Variants in NSMAF observed in about 807,000 individuals in gnomAD.
NSMAF encodes the protein protein FAN.
Under a neutral mutation model 134.9 loss-of-function variants are expected in NSMAF, and 90 were observed. The ratio of observed to expected loss-of-function variants is 0.67; its 90% CI spans 0.56 to 0.79. NSMAF has a LOEUF of 0.79. NSMAF is among the 30% of genes least tolerant of loss of function. NSMAF has a pLI of 0.00. For synonymous variants in NSMAF, 358 were observed against 389.6 expected (o/e 0.92, Z 0.96); for missense variants, 1,010 against 1,119.0 (o/e 0.90, Z 1.39).
chr8:58,623,144 T>C (rs1485754813), intron 9 of NSMAF, 76 bp downstream of exon 9: 12 of 1,131,950 alleles, frequency 1.1e-5, no homozygotes, highest in Non-Finnish European at 1.6e-5. Flanking sequence ...GACAGCAGGC[T>C]TGGATTTGCT....
chr8:58,586,543 C>T lies in NSMAF; in HGVS notation c.2361G>A (p.Val787=). 1 of 1,613,902 alleles carries T rather than the reference C, an allele frequency of 6.2e-7. No individual in the cohort carries two copies. The highest frequency in any genetic ancestry group is 8.5e-7 in the Non-Finnish European group (1 of 1,179,880). ...TGGCCGTTGTGAGGTCCCAAATATT[C>T]ACTGTGCCTTCTTTGGTGCCGGAAA... ...LLVSGTKEGT[V]NIWDLTTATL... Residue 787 remains valine (V), a synonymous_variant, in exon 28 of 31, where the codon GTG becomes GTA. Coordinates refer to ENST00000038176, the MANE Select transcript of NSMAF (RefSeq NM_003580.4).
chr8:58,601,391 T>C lies in NSMAF; in HGVS notation c.1217-43A>G, dbSNP rs376389137. The C allele has an allele frequency of 1.4e-4, 218 of 1,610,668 alleles. No homozygotes were observed. In the African/African-American group the frequency reaches 2.4e-3, roughly 18 times the overall value. ...AGAGGTAAGTCAGGTCACAGAATCA[T>C]TGAAGAATACAGTGAAATAAAATTT... On this transcript the variant is annotated intron_variant, in intron 15 of 30. Transcript: ENST00000038176.
rs139257218 is a variant in NSMAF, at chr8:58,649,745, G to A, written c.60-6672C>T. On this transcript the variant is annotated intron_variant, in intron 1 of 30. Coordinates refer to ENST00000038176, the MANE Select transcript of NSMAF (RefSeq NM_003580.4). ...CTTGCTCCCTCTCTTGCCATGTGATGTACCTGCTCCCACTTCACCTTCCAC... is the reference window on the plus strand; with the variant it reads ...CTTGCTCCCTCTCTTGCCATGTGATATACCTGCTCCCACTTCACCTTCCAC... 8.9e-4 allele frequency among the ~76,000 whole-genome samples: 135 copies of A among 152,268 alleles called. 1 individual carries two copies. The highest frequency in any genetic ancestry group is 3.2e-3 in the African/African-American group (131 of 41,540).
intron 15 of NSMAF, 30 bp from the exon 16 acceptor site, chr8:58,601,378 G>T: frequency 6.2e-7 from 1 of 1,611,038 alleles, no homozygotes; most frequent in Non-Finnish European, 8.5e-7. Flanking sequence ...AGGTAAGTCA[G>T]GTCACAGAAT....
chr8:58,592,598 ACT>A (rs1806042591), intron 23 of NSMAF, among the ~76,000 whole-genome samples: 1 of 152,072 alleles, frequency 6.6e-6, no homozygotes, highest in African/African-American at 2.4e-5. Context: ...TTATTTTTAA[ACT>A]CTCTCGGCCG....
intron 1 of NSMAF, among the ~76,000 whole-genome samples, chr8:58,649,415 T>C (rs1807531950): frequency 1.3e-5 from 2 of 152,166 alleles, no homozygotes; most frequent in Non-Finnish European, 2.9e-5. Flanking sequence ...TTGAAATAAG[T>C]TAACACTTTG....
In NSMAF at chr8:58,590,933, A is replaced by G; in HGVS notation, c.1953T>C (p.Asp651=). 6.4e-7 allele frequency: 1 copy of G among 1,569,472 alleles called. No individual in the cohort carries two copies. Among genetic ancestry groups the G allele is most frequent in the Non-Finnish European group, 8.7e-7 (1 of 1,147,638 alleles). The change falls in exon 24 of 31, where the codon GAT becomes GAC. Residue 651 remains aspartate, a splice_region_variant and synonymous_variant. Transcript: ENST00000038176. ...CTTTAGAAAACATCTTCAAGGTGGA[A>G]TCTAATTTAATAATGAGAAGTAGAT... The part of the protein sequence containing the change: ...NGSSVFTTSQ[D]STLKMFSKES...
intron 1 of NSMAF, among the ~76,000 whole-genome samples, chr8:58,654,263 T>C (rs1217755114): frequency 2.0e-5 from 3 of 152,166 alleles, no homozygotes. Flanking sequence ...TTTTATAAAA[T>C]AAATATAGAC....
intron 19 of NSMAF, 128 bp from the exon 20 acceptor site, chr8:58,598,030 AGACT>A (rs2129140523): frequency 1.5e-6 from 1 of 679,254 alleles, no homozygotes; most frequent in Non-Finnish European, 2.6e-6. Flanking sequence ...TTTGCAAAAC[AGACT>A]AATATCCAAC....
In NSMAF at chr8:58,594,215, C is replaced by T. The variant is rs199921608; in HGVS notation, c.1951+17G>A. The stretch of plus-strand genomic sequence containing the variant: ...CTAGGATTTTGGTTAAGCCGCCTTT[C>T]GGGGAGGAACACTGACCTTGGGATG... On this transcript the variant is annotated intron_variant, in intron 23 of 30. Coordinates refer to ENST00000038176, the MANE Select transcript of NSMAF (RefSeq NM_003580.4). 982 of 1,613,010 alleles carry T rather than the reference C, an allele frequency of 6.1e-4. 12 individuals are homozygous for T. The South Asian group carries it at 9.5e-3, about 16-fold the overall frequency.
intron 2 of NSMAF, among the ~76,000 whole-genome samples, chr8:58,636,112 C>A (rs984091976): frequency 2.6e-5 from 4 of 151,954 alleles, no homozygotes; most frequent in Non-Finnish European, 4.4e-5. Context: ...TTTCTAATAC[C>A]CAAAATTACC....
chr8:58,585,885 T>C lies in NSMAF; in HGVS notation c.2549+13A>G. The stretch of plus-strand genomic sequence containing the variant: ...TGTAAATGTCTTCGCCCCCAGTAAC[T>C]CACAAACTATACCTCTGGGGCTCAT... On this transcript the variant is annotated intron_variant, in intron 29 of 30. Transcript: ENST00000038176. The C allele has an allele frequency of 6.2e-7, 1 of 1,609,770 alleles. No individual in the cohort carries two copies. The highest frequency in any genetic ancestry group is 8.5e-7 in the Non-Finnish European group (1 of 1,176,288).
intron 9 of NSMAF, among the ~76,000 whole-genome samples, chr8:58,612,766 C>A (rs1000264512): frequency 6.6e-6 from 1 of 152,108 alleles, no homozygotes; most frequent in Non-Finnish European, 1.5e-5. Context: ...GAAAAAGCCC[C>A]ACAGCTGATC....
intron 1 of NSMAF, 111 bp downstream of exon 1, chr8:58,659,462 C>A: frequency 6.7e-7 from 1 of 1,493,988 alleles, no homozygotes; most frequent in South Asian, 1.3e-5. Context: ...CGGCCCCTGC[C>A]TCCGTGCCCG....
chr8:58,604,271 C>T (rs1264699913), intron 12 of NSMAF, among the ~76,000 whole-genome samples: 1 of 152,072 alleles, frequency 6.6e-6, no homozygotes, highest in Non-Finnish European at 1.5e-5. Flanking sequence ...TAGGAATAAA[C>T]TCAGTGAGAA....
chr8:58,628,553 T>C (rs1806988392), intron 6 of NSMAF, among the ~76,000 whole-genome samples: 1 of 152,230 alleles, frequency 6.6e-6, no homozygotes. Context: ...TCTTTTAATT[T>C]GTATACCAGA....
Sources: gnomAD v4.1 joint callset for allele counts (sites outside exome capture counted in the v4.1 genomes callset) on GRCh38, gnomAD v4.1.1 for gene constraint, MANE v1.5 for transcripts, NCBI Gene and HGNC (gene_info 2026-07-23, HGNC 2026-07-21) for gene names.